ADCY9: variants seen among roughly 807,000 people sequenced by gnomAD.
The protein encoded by ADCY9 is adenylate cyclase type 9.
Under a neutral mutation model 101.5 loss-of-function variants are expected in ADCY9, and 50 were observed. The ratio of observed to expected loss-of-function variants is 0.49; its 90% confidence interval spans 0.39 to 0.62. The LOEUF is 0.62. Ranked by LOEUF, ADCY9 falls within the 20% of genes least tolerant of loss-of-function variation. The pLI, the probability that ADCY9 is intolerant of heterozygous loss-of-function variation, is 0.00. For synonymous variants in ADCY9, 905 were observed against 769.3 expected, an observed-to-expected ratio of 1.18 and a Z score of -2.92; for missense variants, 1,662 against 1,800.4, an observed-to-expected ratio of 0.92 and a Z score of 1.39.
chr16:3,973,080 A>G (rs1330205012), intron 10 of ADCY9, among the ~76,000 whole-genome samples: 2 of 152,202 alleles, frequency 1.3e-5, no homozygotes, highest in Non-Finnish European at 2.9e-5. Context: ...ATATAGTTTC[A>G]CCTAGTAAAT....
At chr16:4,044,400 A>G (rs181877006) in intron 2 of ADCY9, among the ~76,000 whole-genome samples, 42 of 152,298 alleles carry the variant, frequency 2.8e-4, no homozygotes, top group Non-Finnish European at 4.4e-5. Context: ...CACTAGGTTT[A>G]TGAAGTAAAT....
chr16:3,983,648 G>A, intron 6 of ADCY9: 2 of 583,394 alleles, frequency 3.4e-6, no homozygotes, highest in South Asian at 4.3e-5. Context: ...TGCCCAGGGG[G>A]CTGGGCACGG....
chr16:3,980,139 G>A (rs539763884), intron 7 of ADCY9, among the ~76,000 whole-genome samples: 62 of 152,348 alleles, frequency 4.1e-4, no homozygotes, highest in African/African-American at 1.4e-3. Flanking sequence ...TCCAGACAGC[G>A]GGGCTCTGTT....
downstream of ADCY9, among the ~76,000 whole-genome samples, chr16:3,957,705 G>GGGT (rs2055915088): frequency 6.6e-6 from 1 of 152,140 alleles, no homozygotes; most frequent in Non-Finnish European, 1.5e-5. Context: ...TACGGGATGG[G>GGGT]GGTCCTGGGA....
chr16:3,973,007 C>T (rs1248238799), intron 10 of ADCY9, among the ~76,000 whole-genome samples: 1 of 152,112 alleles, frequency 6.6e-6, no homozygotes, highest in Non-Finnish European at 1.5e-5. Context: ...TCATTATATC[C>T]TAAGTATAAA....
intron 2 of ADCY9, among the ~76,000 whole-genome samples, chr16:4,028,398 C>T (rs534108042): frequency 6.6e-6 from 1 of 152,274 alleles, no homozygotes; most frequent in South Asian, 2.1e-4. Flanking sequence ...GATATATCCA[C>T]ACCACCGAAT....
intron 2 of ADCY9, among the ~76,000 whole-genome samples, chr16:4,084,129 T>C (rs1290532062): frequency 1.3e-5 from 2 of 152,100 alleles, no homozygotes; most frequent in Non-Finnish European, 2.9e-5. Context: ...TTTTTGTTTT[T>C]GACACAGGGT....
In ADCY9 at chr16:3,992,294, T is replaced by C. The variant is rs759286668; in HGVS notation, c.2059A>G (p.Asn687Asp). ...LSPPQEEKLT[N>D]SQTSLCEILQ... is the part of the protein sequence containing the mutation. The stretch of plus-strand genomic sequence containing the variant: ...ATCTCACACAGAGAAGTCTGACTGT[T>C]GGTGAGCTTCTCCTCTTGGGGAGGG... Residue 687 changes from asparagine (N) to aspartate (D), a missense_variant, in exon 5 of 11, where the codon AAC becomes GAC. Physicochemically the swap from Asn to Asp is conservative, Grantham distance 23. Transcript: ENST00000294016. This position sits in a 1 kb window ranked among gnomAD's most constrained non-coding sequence, Gnocchi z 4.2. 2 of 1,614,166 alleles carry C rather than the reference T, an allele frequency of 1.2e-6. No individual in the cohort carries two copies. The highest frequency in any genetic ancestry group is 1.7e-6 in the Non-Finnish European group (2 of 1,180,028).
intron 2 of ADCY9, among the ~76,000 whole-genome samples, chr16:4,057,190 G>C (rs1405542790): frequency 2.6e-5 from 4 of 152,096 alleles, no homozygotes. Flanking sequence ...GCCTAGGCTG[G>C]AGTGCCGTGG....
At chr16:4,060,681 C>T (rs1298448871) in intron 2 of ADCY9, among the ~76,000 whole-genome samples, 1 of 152,004 alleles carries the variant, frequency 6.6e-6, no homozygotes, top group Non-Finnish European at 1.5e-5. Context: ...AGACAGACTT[C>T]ACAGAATTAA....
intron 5 of ADCY9, among the ~76,000 whole-genome samples, chr16:3,957,134 G>A (rs1378445507): frequency 6.6e-6 from 1 of 152,176 alleles, no homozygotes; most frequent in African/African-American, 2.4e-5. Context: ...TGAAAAGGAG[G>A]AGGAAGGAAA....
intron 2 of ADCY9, among the ~76,000 whole-genome samples, chr16:4,039,680 A>C (rs2056613863): frequency 3.7e-5 from 3 of 82,122 alleles, no homozygotes; most frequent in Non-Finnish European, 2.4e-5. Flanking sequence ...ACTCTGTCTC[A>C]AAAAAAAAAA....
intron 5 of ADCY9, among the ~76,000 whole-genome samples, chr16:3,990,957 G>A (rs574466629): frequency 1.8e-4 from 28 of 152,180 alleles, no homozygotes; most frequent in African/African-American, 5.5e-4. Flanking sequence ...CCGCCACCAC[G>A]CCCAGCTAAT....
chr16:4,082,464 C>T (rs2056909485), intron 2 of ADCY9, among the ~76,000 whole-genome samples: 1 of 152,188 alleles, frequency 6.6e-6, no homozygotes, highest in Non-Finnish European at 1.5e-5. Context: ...TTTCTTTCTT[C>T]ATGTCCTCCC....
intron 2 of ADCY9, among the ~76,000 whole-genome samples, chr16:4,041,297 G>C (rs2056624908): frequency 6.6e-6 from 1 of 152,116 alleles, no homozygotes; most frequent in South Asian, 2.1e-4. Context: ...GAGGTCAGGA[G>C]TTTGAGACCA....
intron 3 of ADCY9, among the ~76,000 whole-genome samples, chr16:3,998,369 C>T (rs761253926): frequency 3.3e-5 from 5 of 152,030 alleles, no homozygotes; most frequent in Non-Finnish European, 5.9e-5. Flanking sequence ...TATGGTCATG[C>T]CACTGTACTG....
chr16:4,082,675 C>G (rs1341244985), intron 2 of ADCY9, among the ~76,000 whole-genome samples: 9 of 149,556 alleles, frequency 6.0e-5, no homozygotes, highest in Non-Finnish European at 1.3e-4. Flanking sequence ...CCCATGCACA[C>G]CCATGCATGC....
intron 2 of ADCY9, among the ~76,000 whole-genome samples, chr16:4,076,317 C>T (rs1327923624): frequency 1.3e-5 from 2 of 152,194 alleles, no homozygotes; most frequent in African/African-American, 4.8e-5. Flanking sequence ...AAGAAAAATT[C>T]AAGTCAGCTC....
At chr16:3,997,385 C>A (rs1448893869) in intron 3 of ADCY9, among the ~76,000 whole-genome samples, 1 of 152,258 alleles carries the variant, frequency 6.6e-6, no homozygotes, top group Non-Finnish European at 1.5e-5. Flanking sequence ...GGCATGCCCA[C>A]TGGGATGAGG....
Sources: gnomAD v4.1 joint callset for allele counts (sites outside exome capture counted in the v4.1 genomes callset) on GRCh38, gnomAD v4.1.1 for gene constraint, Gnocchi (gnomAD v3.1) non-coding constraint, MANE v1.5 for transcripts, NCBI Gene and HGNC (gene_info 2026-07-23, HGNC 2026-07-21) for gene names.